CADPS: variants seen among roughly 807,000 people sequenced by gnomAD.
CADPS encodes calcium dependent secretion activator.
In CADPS, 57 loss-of-function variants were observed where a neutral mutation model predicts 167.3. That is an observed-to-expected ratio of 0.34 (90% confidence interval 0.28 to 0.42). CADPS has a LOEUF of 0.42. CADPS is among the 20% of genes least tolerant of loss of function. The probability of loss-of-function intolerance (pLI) is 1.00; values close to 1 mark genes in which losing one functional copy is unlikely to be tolerated. For synonymous variants in CADPS, 676 were observed against 635.3 expected, an observed-to-expected ratio of 1.06 and a Z score of -0.96; for missense variants, 1,414 against 1,738.1, an observed-to-expected ratio of 0.81 and a Z score of 3.32.
intron 1 of CADPS, among the ~76,000 whole-genome samples, chr3:62,865,156 A>C (rs1285020055): frequency 1.3e-5 from 2 of 152,186 alleles, no homozygotes; most frequent in Non-Finnish European, 2.9e-5. Context: ...TCATTTGCTT[A>C]AACAACTCTA....
At chr3:62,670,436 T>C (rs2075303696) in intron 3 of CADPS, among the ~76,000 whole-genome samples, 1 of 152,170 alleles carries the variant, frequency 6.6e-6, no homozygotes, top group African/African-American at 2.4e-5. Context: ...ATCATTTGTG[T>C]CTTTCTTTAT....
intron 3 of CADPS, among the ~76,000 whole-genome samples, chr3:62,725,133 C>G (rs493730): frequency 0.22 from 34,211 of 152,132 alleles, 4,103 homozygotes; most frequent in African/African-American, 0.3. Context: ...AACCCAACCT[C>G]AACTTCTCTC....
At chr3:62,776,837 C>A (rs1028839151) in intron 1 of CADPS, among the ~76,000 whole-genome samples, 2 of 151,698 alleles carry the variant, frequency 1.3e-5, no homozygotes, top group African/African-American at 2.4e-5. Flanking sequence ...AGAGGAAGGC[C>A]GTAGGGAGAA....
At chr3:62,564,656 G>A (rs1478316413) in intron 9 of CADPS, among the ~76,000 whole-genome samples, 1 of 149,994 alleles carries the variant, frequency 6.7e-6, no homozygotes, top group Non-Finnish European at 1.5e-5. Context: ...ACCCAGGCTG[G>A]AGTGCAGTGG....
intron 1 of CADPS, among the ~76,000 whole-genome samples, chr3:62,863,669 G>A (rs1461218988): frequency 6.6e-6 from 1 of 152,162 alleles, no homozygotes; most frequent in Non-Finnish European, 1.5e-5. Flanking sequence ...TTACGCCATG[G>A]AAGTAAGTTT....
intron 1 of CADPS, among the ~76,000 whole-genome samples, chr3:62,791,756 C>T (rs527906605): frequency 1.3e-5 from 2 of 152,320 alleles, no homozygotes; most frequent in East Asian, 1.9e-4. Context: ...AGATAATTAC[C>T]TTTCAAACTG....
chr3:62,761,455 C>T (rs80293276), intron 2 of CADPS, among the ~76,000 whole-genome samples: 7,522 of 152,084 alleles, frequency 0.049, 236 homozygotes, highest in South Asian at 0.13. Context: ...ATTATAGGAG[C>T]TTCACTGGCT....
chr3:62,696,432 C>T (rs1192094897), intron 3 of CADPS, among the ~76,000 whole-genome samples: 2 of 152,186 alleles, frequency 1.3e-5, no homozygotes, highest in South Asian at 2.1e-4. Context: ...GCATCCCTGC[C>T]TCAGAAGTCT....
At position 62,550,030 on chromosome 3, in the gene CADPS, G is replaced by C. The variant is rs375750183; in HGVS notation, c.1839C>G (p.Ile613Met). 3 of 1,613,996 alleles carry C rather than the reference G, an allele frequency of 1.9e-6. No individual in the cohort carries two copies. In the African/African-American group the frequency reaches 4.0e-5, roughly 22 times the overall value. The part of the protein sequence containing the change: ...IFASDDEQDR[I>M]LWVQAMYRAT... ...CCCGATACATGGCCTGGACCCACAG[G>C]ATGCGGTCTTGTTCATCGTCACTGG... Residue 613 changes from isoleucine (I) to methionine (M), a missense_variant, in exon 11 of 30, where the codon ATC (isoleucine) becomes ATG (methionine). By Grantham distance (10) the Ile-to-Met change is conservative. Transcript: ENST00000383710.
At position 62,572,218 on chromosome 3, in the gene CADPS, C is replaced by A. The variant is rs149519862; in HGVS notation, c.1578-1280G>T. On this transcript the variant is annotated intron_variant, in intron 8 of 29. Transcript: ENST00000383710. ...GCTGGCAGCCAAAATCTATTCAGATCTTCAAGCCAGAAACCCAGGAGTCAT... is the reference window on the plus strand; with the variant it reads ...GCTGGCAGCCAAAATCTATTCAGATATTCAAGCCAGAAACCCAGGAGTCAT... 4.0e-3 allele frequency among the ~76,000 whole-genome samples: 616 copies of A among 152,258 alleles called. 5 individuals carry two copies. The highest frequency in any genetic ancestry group is 6.2e-3 in the Non-Finnish European group (421 of 68,018).
chr3:62,793,569 C>G (rs535990223), intron 1 of CADPS, among the ~76,000 whole-genome samples: 2 of 152,200 alleles, frequency 1.3e-5, no homozygotes, highest in African/African-American at 4.8e-5. Flanking sequence ...TAACTGGGTT[C>G]TTTCCTCTGA....
At chr3:62,763,409 C>G (rs2086040790) in intron 2 of CADPS, among the ~76,000 whole-genome samples, 1 of 152,192 alleles carries the variant, frequency 6.6e-6, no homozygotes, top group African/African-American at 2.4e-5. Context: ...ACCCATCCCG[C>G]TGGTAACTTT....
Position 62,651,005 on chromosome 3 carries a change from G to T in CADPS, c.1045C>A (p.Leu349Met). ...ATGCTCTCCAAGTTGGCCATGAGCA[G>T]GTTGACAGATGACTTCAGCTCCTCA... ...YIEELKSSVN[L>M]LMANLESMPV... The change falls in exon 5 of 30, where the codon CTG (leucine) becomes ATG (methionine). Residue 349 changes from leucine (L) to methionine (M), a missense_variant. Around this residue, in one of 6 missense-constraint regions of CADPS, gnomAD observed 522 missense variants for 559.5 expected, o/e 0.93. Coordinates refer to ENST00000383710, the MANE Select transcript of CADPS (RefSeq NM_003716.4). The T allele has an allele frequency of 6.2e-7, 1 of 1,614,112 alleles. No individual in the cohort carries two copies. Among genetic ancestry groups the T allele is most frequent in the Non-Finnish European group, 8.5e-7 (1 of 1,179,972 alleles).
chr3:62,710,797 A>T (rs1305434370), intron 3 of CADPS, among the ~76,000 whole-genome samples: 1 of 152,220 alleles, frequency 6.6e-6, no homozygotes, highest in Non-Finnish European at 1.5e-5. Context: ...AAATAGTAAG[A>T]TTAATCTTAA....
intron 17 of CADPS, among the ~76,000 whole-genome samples, chr3:62,506,030 T>C (rs1222366604): frequency 1.3e-5 from 2 of 152,220 alleles, no homozygotes; most frequent in Non-Finnish European, 2.9e-5. Context: ...GAATTCTGAA[T>C]AGTAAACATC....
chr3:62,449,417 G>A (rs1450630580), intron 26 of CADPS, among the ~76,000 whole-genome samples: 4 of 152,204 alleles, frequency 2.6e-5, no homozygotes, highest in Admixed American at 1.3e-4. Context: ...TAGCAGAGCG[G>A]AGAAATTGAC....
intron 1 of CADPS, among the ~76,000 whole-genome samples, chr3:62,828,304 A>G (rs924549182): frequency 6.6e-6 from 1 of 152,164 alleles, no homozygotes; most frequent in African/African-American, 2.4e-5. Flanking sequence ...CCATGGCACT[A>G]TTTTAAGCTA....
intron 1 of CADPS, among the ~76,000 whole-genome samples, chr3:62,825,973 C>T (rs2073967583): frequency 6.6e-6 from 1 of 152,154 alleles, no homozygotes; most frequent in African/African-American, 2.4e-5. Flanking sequence ...ATTCCTTGAC[C>T]TCAAAGAATG....
At chr3:62,816,379 G>T (rs766123360) in intron 1 of CADPS, among the ~76,000 whole-genome samples, 94 of 152,060 alleles carry the variant, frequency 6.2e-4, no homozygotes, top group Non-Finnish European at 1.2e-3. Flanking sequence ...GTTTACAAAG[G>T]TGGGTATGTT....
Sources: gnomAD v4.1 joint callset for allele counts (sites outside exome capture counted in the v4.1 genomes callset) on GRCh38, gnomAD v4.1.1 for gene constraint, gnomAD v4.1.1 regional missense constraint, MANE v1.5 for transcripts, NCBI Gene and HGNC (gene_info 2026-07-23, HGNC 2026-07-21) for gene names.